Variants in SMG1 observed in about 807,000 individuals in gnomAD.
SMG1 encodes the protein SMG1 nonsense mediated mRNA decay associated PI3K related kinase.
Under a neutral mutation model 419.9 loss-of-function variants are expected in SMG1, and 22 were observed. The observed-to-expected ratio is 0.05, with a 90% CI of 0.04 to 0.07. The LOEUF (loss-of-function observed/expected upper bound fraction) is 0.07. Ranked by LOEUF, SMG1 falls within the 10% of genes least tolerant of loss-of-function variation. The pLI is 1.00. For synonymous variants in SMG1, 1,538 were observed against 1,553.5 expected, an observed-to-expected ratio of 0.99 and a Z score of 0.23; for missense variants, 3,185 against 4,342.0, an observed-to-expected ratio of 0.73 and a Z score of 7.49.
rs567961791 is a variant in SMG1, at chr16:18,836,290, C to A, written c.7777+70G>T. ...CACTAAAAGCAAGCACAAACCAGGA[C>A]CCCACACAAACACACATGACTATAA... On this transcript the variant is annotated intron_variant, in intron 47 of 62. Coordinates refer to ENST00000446231, the MANE Select transcript of SMG1 (RefSeq NM_015092.5). 3.1e-6 allele frequency: 5 copies of A among 1,589,978 alleles called. No individual in the cohort carries two copies. The African/African-American group carries it at 4.0e-5, about 13-fold the overall frequency.
At chr16:18,817,592 C>A (rs1596463354) in intron 56 of SMG1, 122 bp from the exon 57 acceptor site, 2 of 800,328 alleles carry the variant, frequency 2.5e-6, no homozygotes, top group East Asian at 2.7e-5. Flanking sequence ...AGAATTGGTC[C>A]TGAAAATGTT....
At chr16:18,900,479 T>C (rs1262528326) in intron 1 of SMG1, among the ~76,000 whole-genome samples, 2 of 152,048 alleles carry the variant, frequency 1.3e-5, no homozygotes, top group South Asian at 4.2e-4. Context: ...TTGTAAGTAT[T>C]AGAGAGAAAA....
At chr16:18,868,420 A>T (rs113329896) in intron 21 of SMG1, 66 bp from the exon 22 acceptor site, 2 of 1,356,578 alleles carry the variant, frequency 1.5e-6, no homozygotes, top group Non-Finnish European at 2.0e-6. Flanking sequence ...TCTCACCTAT[A>T]TATAAACCAA....
rs776873619 is a variant in SMG1 at position 18,835,043 on chromosome 16, G to C, written c.8179C>G (p.Arg2727Gly). The C allele has an allele frequency of 1.2e-6, 2 of 1,613,966 alleles. No individual in the cohort carries two copies. The highest frequency in any genetic ancestry group is 1.3e-5 in the African/African-American group (1 of 75,028). ...ACAGTGACAGCTTCCTGTTTCAAGC[G>C]TTCCACTTGTCTAATAAGTCTGCTG... is the stretch of plus-strand genomic sequence containing the variant. ...INSRLIRQVE[R>G]LKQEAVTVPV... Residue 2727 changes from arginine (R) to glycine (G), a missense_variant, in exon 49 of 63, where the codon CGC becomes GGC. Around this residue, in one of 27 missense-constraint regions of SMG1, gnomAD observed 412 missense variants for 546.6 expected, o/e 0.75. Coordinates refer to ENST00000446231, the MANE Select transcript of SMG1 (RefSeq NM_015092.5).
At chr16:18,871,265 G>A in intron 16 of SMG1, 99 bp downstream of exon 16, 1 of 582,720 alleles carries the variant, frequency 1.7e-6, no homozygotes, top group East Asian at 3.0e-5. Flanking sequence ...ACATCTTCAG[G>A]TCAGGAAAAC....
rs923504380 is a variant in SMG1, at chr16:18,834,800, T to C, written c.8330+92A>G. 5.1e-6 allele frequency: 7 copies of C among 1,370,686 alleles called. No individual in the cohort carries two copies. In the African/African-American group the frequency reaches 1.0e-4, roughly 20 times the overall value. The allele number at this position is 1,370,686 out of a possible 1,614,324, so 84.9% of individuals were successfully genotyped here. ...AAAAGCAAGTAAGCAGCTGTAACAC[T>C]TGGCAAGACTAAGGAAAGTAAAAGA... On this transcript the variant is annotated intron_variant, in intron 49 of 62. Coordinates refer to ENST00000446231, the MANE Select transcript of SMG1 (RefSeq NM_015092.5).
chr16:18,835,438 G>A (rs1276890329), intron 48 of SMG1, among the ~76,000 whole-genome samples: 2 of 152,078 alleles, frequency 1.3e-5, no homozygotes, highest in African/African-American at 4.8e-5. Context: ...TCAGGAGTTC[G>A]AGACCAGCCT....
rs1298802508 is a variant in SMG1 at position 18,903,764 on chromosome 16, A to T, written c.93-6808T>A. On this transcript the variant is annotated intron_variant, in intron 1 of 62. Coordinates refer to ENST00000446231, the MANE Select transcript of SMG1 (RefSeq NM_015092.5). ...TACTGTCTAATGTTTGAGCTCTTCA[A>T]CACTCCATCACTGCCTGTCATCTTC... Among the ~76,000 whole-genome samples, 6 of 152,244 alleles carry T rather than the reference A, an allele frequency of 3.9e-5. No homozygotes were observed. In the East Asian group the frequency reaches 9.6e-4, roughly 24 times the overall value.
At chr16:18,851,308 T>C (rs1318703065) in intron 33 of SMG1, among the ~76,000 whole-genome samples, 2 of 152,242 alleles carry the variant, frequency 1.3e-5, no homozygotes, top group Admixed American at 1.3e-4. Context: ...GACGGAACTC[T>C]GAAGGGAGAG....
At chr16:18,816,076 G>C (rs1409920216) in intron 58 of SMG1, 6 of 548,978 alleles carry the variant, frequency 1.1e-5, no homozygotes, top group East Asian at 3.1e-5. Context: ...CACAATAAAG[G>C]AATCTAATTA....
chr16:18,882,536 A>T (rs1404197513), intron 9 of SMG1, among the ~76,000 whole-genome samples, 198 bp from the exon 10 acceptor site: 1 of 152,238 alleles, frequency 6.6e-6, no homozygotes, highest in Non-Finnish European at 1.5e-5. Context: ...AGCCAACATT[A>T]AACCCAACAG....
chr16:18,837,614 T>C (rs1361595660), intron 45 of SMG1, among the ~76,000 whole-genome samples, 171 bp from the exon 46 acceptor site: 1 of 152,208 alleles, frequency 6.6e-6, no homozygotes, highest in Non-Finnish European at 1.5e-5. Flanking sequence ...TACACAGGCA[T>C]AAACTGACAG....
chr16:18,919,696 ACAC>A (rs2038119644), intron 1 of SMG1, among the ~76,000 whole-genome samples: 1 of 124,624 alleles, frequency 8.0e-6, no homozygotes, highest in South Asian at 2.7e-4. Context: ...ACACACACAC[ACAC>A]AATCTCCCTA....
intron 1 of SMG1, among the ~76,000 whole-genome samples, chr16:18,919,714 C>T (rs1337864319): frequency 6.8e-6 from 1 of 146,296 alleles, no homozygotes; most frequent in Non-Finnish European, 1.5e-5. Context: ...TCCCTAGAAG[C>T]ATCAATATTT....
intron 10 of SMG1, among the ~76,000 whole-genome samples, chr16:18,881,236 T>TA (rs2036382250): frequency 6.6e-6 from 1 of 152,100 alleles, no homozygotes; most frequent in Non-Finnish European, 1.5e-5. Flanking sequence ...ATGTCCCTTT[T>TA]ATTTTATGTC....
chr16:18,862,620 A>C (rs1453142784), intron 25 of SMG1, among the ~76,000 whole-genome samples: 1 of 152,130 alleles, frequency 6.6e-6, no homozygotes, highest in Non-Finnish European at 1.5e-5. Flanking sequence ...TTGCCCCCAT[A>C]AATTAATGGT....
chr16:18,908,289 C>A (rs866981578), intron 1 of SMG1, among the ~76,000 whole-genome samples: 2 of 149,648 alleles, frequency 1.3e-5, no homozygotes, highest in African/African-American at 2.5e-5. Flanking sequence ...AATCGCTTAC[C>A]CAGAGGCGGA....
chr16:18,874,844 C>A (rs572318270), intron 13 of SMG1, among the ~76,000 whole-genome samples: 1 of 123,478 alleles, frequency 8.1e-6, no homozygotes, highest in Non-Finnish European at 1.6e-5. Flanking sequence ...CCAGCCCAGG[C>A]GACAACAGCA....
In SMG1 at chr16:18,842,319, C is replaced by T; in HGVS notation, c.6355G>A (p.Val2119Ile). The change falls in exon 40 of 63, where the codon GTC becomes ATC. Residue 2119 changes from valine to isoleucine, a missense_variant. Coordinates refer to ENST00000446231, the MANE Select transcript of SMG1 (RefSeq NM_015092.5). The part of the protein sequence containing the change: ...LPGEVSARDT[V>I]TIHSVGGTIT... ...GTTCCGCCCACACTATGGATTGTGA[C>T]AGTGTCTCTGGCTGAGACTTCCCCA... 1 of 1,614,014 alleles carries T rather than the reference C, an allele frequency of 6.2e-7. No homozygotes were observed. Among genetic ancestry groups the T allele is most frequent in the Non-Finnish European group, 8.5e-7 (1 of 1,179,888 alleles).
Sources: allele counts gnomAD v4.1 joint callset (sites outside exome capture counted in the v4.1 genomes callset), GRCh38; gene constraint gnomAD v4.1.1; regional missense constraint gnomAD v4.1.1; transcripts MANE v1.5; gene names NCBI Gene and HGNC (gene_info 2026-07-23, HGNC 2026-07-21).